The following PRIM2 variants were observed in gnomAD, a reference collection of about 807,000 sequenced individuals.
The protein encoded by PRIM2 is DNA primase subunit 2.
PRIM2 carries 39 observed loss-of-function variants against 67.3 expected under a neutral mutation model. The ratio of observed to expected loss-of-function variants is 0.58; its 90% CI spans 0.45 to 0.76. PRIM2 has a LOEUF of 0.76. Ranked by LOEUF, PRIM2 falls within the 30% of genes least tolerant of loss-of-function variation. PRIM2 has a pLI of 0.00. For synonymous variants in PRIM2, 143 were observed against 198.7 expected (o/e 0.72, Z 2.36); for missense variants, 398 against 598.7 (o/e 0.66, Z 3.50).
chr6:57,241,011 T>A, the PRIM2 span, among the ~76,000 whole-genome samples: 1 of 151,558 alleles, frequency 6.6e-6, no homozygotes, highest in African/African-American at 2.4e-5. Context: ...GATCACGAGG[T>A]CAGGAGATCG....
chr6:57,611,860 G>A (rs1255672856), intron 12 of PRIM2, among the ~76,000 whole-genome samples: 1 of 151,966 alleles, frequency 6.6e-6, no homozygotes, highest in African/African-American at 2.4e-5. Context: ...TTTCATAAAA[G>A]ATGTGAATCC....
chr6:57,438,691 T>C (rs1377089393), intron 7 of PRIM2, among the ~76,000 whole-genome samples: 1 of 152,172 alleles, frequency 6.6e-6, no homozygotes, highest in East Asian at 1.9e-4. Flanking sequence ...AACCATACTA[T>C]CTCCAGGGGG....
chr6:57,515,479 C>T (rs1774463350), intron 8 of PRIM2, among the ~76,000 whole-genome samples: 2 of 152,198 alleles, frequency 1.3e-5, no homozygotes, highest in South Asian at 4.1e-4. Flanking sequence ...AAAATGCCAT[C>T]TTGCCCAAGT....
At chr6:57,645,294 C>T (rs1391794334) in intron 13 of PRIM2, among the ~76,000 whole-genome samples, 1 of 149,306 alleles carries the variant, frequency 6.7e-6, no homozygotes, top group Non-Finnish European at 1.5e-5. Context: ...GGTCCCTAAC[C>T]TGTGCCTCAC....
chr6:57,495,035 G>C (rs1210587704), intron 7 of PRIM2, among the ~76,000 whole-genome samples: 1 of 151,030 alleles, frequency 6.6e-6, no homozygotes, highest in African/African-American at 2.4e-5. Flanking sequence ...AATTAGGAAA[G>C]TTTTATAATT....
At chr6:57,445,485 A>G (rs1266038076) in intron 7 of PRIM2, among the ~76,000 whole-genome samples, 1 of 152,126 alleles carries the variant, frequency 6.6e-6, no homozygotes, top group Non-Finnish European at 1.5e-5. Flanking sequence ...TAGACCTCCC[A>G]ATTACACTGC....
intron 8 of PRIM2, among the ~76,000 whole-genome samples, chr6:57,511,654 T>G (rs1473141584): frequency 6.6e-6 from 1 of 152,092 alleles, no homozygotes; most frequent in African/African-American, 2.4e-5. Flanking sequence ...GTTGTTTTAT[T>G]CTTAGTCAGC....
At chr6:57,559,348 T>C (rs1775583080) in intron 10 of PRIM2, among the ~76,000 whole-genome samples, 1 of 152,176 alleles carries the variant, frequency 6.6e-6, no homozygotes, top group East Asian at 1.9e-4. Flanking sequence ...AACTGTTGAC[T>C]GCCCTGACTT....
chr6:57,426,184 T>C (rs1771619092), intron 7 of PRIM2, among the ~76,000 whole-genome samples: 2 of 152,154 alleles, frequency 1.3e-5, no homozygotes, highest in African/African-American at 4.8e-5. Flanking sequence ...TTATGCCAAA[T>C]GAGATAAGGA....
intron 5 of PRIM2, among the ~76,000 whole-genome samples, chr6:57,369,984 T>G (rs1769490828): frequency 6.6e-6 from 1 of 152,248 alleles, no homozygotes; most frequent in South Asian, 2.1e-4. Flanking sequence ...CTTTACATAC[T>G]TTATTTAATC....
chr6:57,221,801 AGG>A, the PRIM2 span: 2 of 152,432 alleles, frequency 1.3e-5, no homozygotes, highest in Admixed American at 6.5e-5. Flanking sequence ...ATCGGTGCTC[AGG>A]GAGGGGAGAG....
At chr6:57,304,078 G>C in the PRIM2 span, among the ~76,000 whole-genome samples, 1 of 152,182 alleles carries the variant, frequency 6.6e-6, no homozygotes, top group African/African-American at 2.4e-5. Context: ...TTTAAGGCAA[G>C]CTGTGTCATT....
chr6:57,523,080 G>A (rs1554349063), intron 8 of PRIM2, among the ~76,000 whole-genome samples: 4 of 152,216 alleles, frequency 2.6e-5, no homozygotes, highest in Non-Finnish European at 1.5e-5. Flanking sequence ...ATTGGCGAAC[G>A]TTAAGAACAG....
chr6:57,544,831 A>G (rs1448039055), intron 10 of PRIM2, among the ~76,000 whole-genome samples: 1 of 152,210 alleles, frequency 6.6e-6, no homozygotes, highest in African/African-American at 2.4e-5. Flanking sequence ...CACTCAATAA[A>G]TGTTTATTGA....
rs1226347603 is a variant in PRIM2 at position 57,606,414 on chromosome 6, A to G, written c.1187A>G (p.Gln396Arg). 2.5e-6 allele frequency: 4 copies of G among 1,599,660 alleles called. No individual in the cohort carries two copies. The highest frequency in any genetic ancestry group is 3.4e-6 in the Non-Finnish European group (4 of 1,172,422). The part of the protein sequence containing the change: ...FRHSDPELLK[Q>R]KLQSYKISPG... ...CACAGTGATCCAGAGCTGCTGAAGC[A>G]AAAGTTGCAGTCATACAAGATCTCT... is the stretch of plus-strand genomic sequence containing the variant. Residue 396 changes from glutamine (Q) to arginine (R), a missense_variant, in exon 12 of 14, where the codon CAA (glutamine) becomes CGA (arginine). Gln to Arg is a conservative substitution (Grantham distance 43, BLOSUM62 1). Transcript: ENST00000615550.
intron 7 of PRIM2, among the ~76,000 whole-genome samples, chr6:57,486,321 C>A (rs1330292290): frequency 6.6e-6 from 1 of 152,194 alleles, no homozygotes; most frequent in Non-Finnish European, 1.5e-5. Flanking sequence ...TTATTTATAT[C>A]CTGCTCATGG....
chr6:57,260,922 G>A, the PRIM2 span, among the ~76,000 whole-genome samples: 1 of 152,182 alleles, frequency 6.6e-6, no homozygotes, highest in African/African-American at 2.4e-5. Context: ...ATCTCCAGGG[G>A]TATGAAGGGC....
chr6:57,279,643 G>A, the PRIM2 span, among the ~76,000 whole-genome samples: 9 of 152,282 alleles, frequency 5.9e-5, no homozygotes, highest in African/African-American at 1.9e-4. Context: ...AATGATTATA[G>A]TGAATGAAAT....
intron 7 of PRIM2, among the ~76,000 whole-genome samples, chr6:57,480,283 T>C (rs1204614016): frequency 3.3e-5 from 5 of 152,226 alleles, no homozygotes; most frequent in Non-Finnish European, 5.9e-5. Flanking sequence ...TTATTATTTG[T>C]AAGCTTTTTA....
Sources: allele counts gnomAD v4.1 joint callset (sites outside exome capture counted in the v4.1 genomes callset), GRCh38; gene constraint gnomAD v4.1.1; transcripts MANE v1.5; gene names NCBI Gene and HGNC (gene_info 2026-07-23, HGNC 2026-07-21).